CCDC18: variants seen among roughly 807,000 people sequenced by gnomAD.
The protein encoded by CCDC18 is coiled-coil domain containing 18, also known as coiled-coil domain-containing protein 18.
Under a neutral mutation model 196.0 loss-of-function variants are expected in CCDC18, and 157 were observed. The observed-to-expected ratio is 0.80, with a 90% confidence interval of 0.70 to 0.91. CCDC18 has a LOEUF of 0.91. Ranked by LOEUF, CCDC18 falls within the 40% of genes least tolerant of loss-of-function variation. The pLI, the probability that CCDC18 is intolerant of heterozygous loss-of-function variation, is 0.00. For missense variants in CCDC18, 1,465 were observed against 1,611.6 expected, an observed-to-expected ratio of 0.91 and a Z score of 1.56; for synonymous variants, 482 against 529.2, an observed-to-expected ratio of 0.91 and a Z score of 1.22.
At chr1:93,218,460 A>T (rs1656855966) in intron 14 of CCDC18, among the ~76,000 whole-genome samples, 1 of 152,200 alleles carries the variant, frequency 6.6e-6, no homozygotes, top group Non-Finnish European at 1.5e-5. Context: ...AGTTATGTGA[A>T]AACTTGTTCT....
At chr1:93,191,629 G>GT (rs1182948498) in intron 4 of CCDC18, among the ~76,000 whole-genome samples, 1 of 151,650 alleles carries the variant, frequency 6.6e-6, no homozygotes, top group African/African-American at 2.4e-5. Flanking sequence ...CTATAATTAG[G>GT]TTTTTAAATC....
chr1:93,232,769 G>A (rs569154051), intron 18 of CCDC18, among the ~76,000 whole-genome samples, 176 bp downstream of exon 18: 25 of 152,274 alleles, frequency 1.6e-4, no homozygotes, highest in Middle Eastern at 3.4e-3. Context: ...TCAGGAGTTC[G>A]AGACGAGCCT....
At chr1:93,180,913 C>T (rs1012270356) in intron 1 of CCDC18, 61 bp downstream of exon 1, 1 of 1,348,644 alleles carries the variant, frequency 7.4e-7, no homozygotes, top group Middle Eastern at 2.1e-4. Context: ...GTGGGGAAAC[C>T]GGCTTACCTG....
chr1:93,243,166 G>A (rs1011914211), intron 21 of CCDC18, among the ~76,000 whole-genome samples: 2 of 152,216 alleles, frequency 1.3e-5, no homozygotes, highest in African/African-American at 4.8e-5. Context: ...ATGAAGCCCT[G>A]CCTCAGCAGC....
chr1:93,225,148 T>G (rs1658075881), intron 16 of CCDC18, among the ~76,000 whole-genome samples: 1 of 152,200 alleles, frequency 6.6e-6, no homozygotes, highest in Non-Finnish European at 1.5e-5. Flanking sequence ...TCTTTCACTT[T>G]TTCAAGACTG....
chr1:93,254,424 T>C (rs759591348), intron 23 of CCDC18, 47 bp from the exon 24 acceptor site: 4 of 1,387,312 alleles, frequency 2.9e-6, no homozygotes, highest in Admixed American at 2.3e-5. Context: ...TTGATTAAAT[T>C]ACATTTCATT....
intron 14 of CCDC18, among the ~76,000 whole-genome samples, chr1:93,220,351 T>C (rs543578302): frequency 5.9e-5 from 9 of 152,300 alleles, no homozygotes; most frequent in African/African-American, 1.9e-4. Context: ...AGAGAATTTG[T>C]CACCAGCAGA....
intron 5 of CCDC18, among the ~76,000 whole-genome samples, chr1:93,193,366 G>T (rs1032486013): frequency 3.3e-5 from 5 of 152,032 alleles, no homozygotes; most frequent in Non-Finnish European, 7.4e-5. Flanking sequence ...AATGCTTCTG[G>T]TATCTGACTA....
At chr1:93,227,965 A>ATATAT (rs1488905280) in intron 17 of CCDC18, among the ~76,000 whole-genome samples, 1 of 115,390 alleles carries the variant, frequency 8.7e-6, no homozygotes, top group African/African-American at 4.9e-5. Flanking sequence ...CTCAAAAAAA[A>ATATAT]AAAAAAATAT....
intron 10 of CCDC18, 56 bp from the exon 11 acceptor site, chr1:93,212,045 T>A: frequency 7.1e-7 from 1 of 1,415,856 alleles, no homozygotes; most frequent in Non-Finnish European, 9.7e-7. Flanking sequence ...TAGTACAGTA[T>A]GAGTTTTTTT....
intron 27 of CCDC18, among the ~76,000 whole-genome samples, chr1:93,269,418 A>G (rs998660234): frequency 2.0e-5 from 3 of 152,014 alleles, no homozygotes; most frequent in African/African-American, 7.2e-5. Flanking sequence ...TAGAACTTAA[A>G]GTATTTTTAA....
At position 93,239,459 on chromosome 1, in the gene CCDC18, A is replaced by T; in HGVS notation, c.2753A>T (p.Lys918Met). Residue 918 changes from lysine to methionine, a missense_variant, in exon 20 of 29, where the codon AAG becomes ATG. Coordinates refer to ENST00000690025, the MANE Select transcript of CCDC18 (RefSeq NM_001378204.1). The stretch of plus-strand genomic sequence containing the variant: ...GATCAGACAAAGACAGAGCTAGAAA[A>T]GAAAACAAATGCTGGTAAGCAAGTG... ...ILDQTKTELE[K>M]KTNAVKELEK... is the part of the protein sequence containing the mutation. 1 of 1,609,014 alleles carries T rather than the reference A, an allele frequency of 6.2e-7. No homozygotes were observed. Among genetic ancestry groups the T allele is most frequent in the Non-Finnish European group, 8.5e-7 (1 of 1,178,368 alleles).
chr1:93,217,606 T>C, intron 13 of CCDC18, 132 bp from the exon 14 acceptor site: 1 of 684,526 alleles, frequency 1.5e-6, no homozygotes, highest in Non-Finnish European at 2.4e-6. Context: ...CTTAGCTAAT[T>C]TTTTGTATTT....
chr1:93,215,824 G>A (rs1013171468), intron 12 of CCDC18, among the ~76,000 whole-genome samples: 1 of 152,136 alleles, frequency 6.6e-6, no homozygotes, highest in Non-Finnish European at 1.5e-5. Context: ...ACAACTGCAT[G>A]TAAACCTGAA....
At chr1:93,242,034 G>GTAA (rs1660862130) in intron 21 of CCDC18, among the ~76,000 whole-genome samples, 1 of 152,010 alleles carries the variant, frequency 6.6e-6, no homozygotes, top group African/African-American at 2.4e-5. Flanking sequence ...ATATGACTCA[G>GTAA]TAATTCCACT....
chr1:93,253,180 CCAA>C (rs1662493390), intron 23 of CCDC18, among the ~76,000 whole-genome samples: 1 of 152,200 alleles, frequency 6.6e-6, no homozygotes, highest in Non-Finnish European at 1.5e-5. Context: ...GGATATTTCC[CCAA>C]CGACAGTGTG....
At chr1:93,261,763 AT>A (rs1441961461) in intron 26 of CCDC18, among the ~76,000 whole-genome samples, 1 of 152,154 alleles carries the variant, frequency 6.6e-6, no homozygotes, top group Admixed American at 6.5e-5. Context: ...AATTTTAGAC[AT>A]AATTATTTCA....
chr1:93,258,867 A>G lies in CCDC18; in HGVS notation c.3666A>G (p.Lys1222=). The change falls in exon 26 of 29, where the codon AAA becomes AAG. Residue 1222 remains lysine (K), a synonymous_variant. Coordinates refer to ENST00000690025, the MANE Select transcript of CCDC18 (RefSeq NM_001378204.1). Reference sequence around the variant, plus strand: ...TGTCAGCAGAAGTAGAATCTCTCAAAGAAGCTTATCATATGGAGGTAAAGA... The same window carrying G: ...TGTCAGCAGAAGTAGAATCTCTCAAGGAAGCTTATCATATGGAGGTAAAGA... ...KKLSAEVESL[K]EAYHMEMISH... is the part of the protein sequence containing the mutation. The G allele has an allele frequency of 1.3e-6, 2 of 1,597,720 alleles. No individual in the cohort carries two copies. Among genetic ancestry groups the G allele is most frequent in the Non-Finnish European group, 8.5e-7 (1 of 1,173,306 alleles).
At chr1:93,255,742 AGAAGAGGAAGAAGAGGAAGAAGAGGAG>A (rs1001294176) in intron 24 of CCDC18, among the ~76,000 whole-genome samples, 27 of 141,876 alleles carry the variant, frequency 1.9e-4, no homozygotes, top group African/African-American at 7.3e-4. Flanking sequence ...TACCAAACGA[AGAAGAGGAAGAAGAGGAAGAAGAGGAG>A]GAAGAGGAAG....
Sources: gnomAD v4.1 joint callset for allele counts (sites outside exome capture counted in the v4.1 genomes callset) on GRCh38, gnomAD v4.1.1 for gene constraint, MANE v1.5 for transcripts, NCBI Gene and HGNC (gene_info 2026-07-23, HGNC 2026-07-21) for gene names.